Variants in EFNA5 observed in about 807,000 individuals in gnomAD.
EFNA5 encodes the protein ephrin-A5.
In EFNA5, 5 loss-of-function variants were observed where a neutral mutation model predicts 22.9. The observed-to-expected ratio is 0.22, with a 90% CI of 0.11 to 0.46. The LOEUF (loss-of-function observed/expected upper bound fraction) is 0.46. Among genes scored for constraint, EFNA5 ranks in the 20% least tolerant of loss-of-function variants. The pLI is 0.99. For missense variants in EFNA5, 237 were observed against 293.3 expected, an observed-to-expected ratio of 0.81 and a Z score of 1.40; for synonymous variants, 113 against 112.2, an observed-to-expected ratio of 1.01 and a Z score of -0.04.
intron 1 of EFNA5, among the ~76,000 whole-genome samples, chr5:107,602,912 C>T (rs1219523358): frequency 6.6e-6 from 1 of 152,146 alleles, no homozygotes; most frequent in East Asian, 1.9e-4. Context: ...GCCCTAGATA[C>T]TGGCAGGAGG....
At chr5:107,549,077 C>A (rs1415541200) in intron 1 of EFNA5, among the ~76,000 whole-genome samples, 1 of 152,100 alleles carries the variant, frequency 6.6e-6, no homozygotes, top group Non-Finnish European at 1.5e-5. Flanking sequence ...TCTATGCAAT[C>A]TAGCTCTAGA....
rs1749703524 is a variant in EFNA5, at chr5:107,605,956, T to C, written c.125+64533A>G. Among the ~76,000 whole-genome samples the C allele has an allele frequency of 2.0e-5, 3 of 152,186 alleles. No homozygotes were observed. The South Asian group carries it at 6.2e-4, about 31-fold the overall frequency. On this transcript the variant is annotated intron_variant, in intron 1 of 4. Coordinates refer to ENST00000333274, the MANE Select transcript of EFNA5 (RefSeq NM_001962.3). ...ATCACTCTCATTTTAATAAAACTCCTGTTTCCTGTATAATATCACTCAGGT... is the reference window on the plus strand; with the variant it reads ...ATCACTCTCATTTTAATAAAACTCCCGTTTCCTGTATAATATCACTCAGGT...
chr5:107,445,759 TA>T (rs1211852368), intron 1 of EFNA5, among the ~76,000 whole-genome samples: 1 of 152,120 alleles, frequency 6.6e-6, no homozygotes, highest in Admixed American at 6.5e-5. Context: ...GTGTCACTAA[TA>T]AAAAGTGGAA....
chr5:107,547,399 T>A (rs1285585536), intron 1 of EFNA5, among the ~76,000 whole-genome samples: 1 of 152,252 alleles, frequency 6.6e-6, no homozygotes, highest in African/African-American at 2.4e-5. Flanking sequence ...AACAGAAACC[T>A]CTGGGACCAC....
At chr5:107,607,750 T>C (rs1468342622) in intron 1 of EFNA5, among the ~76,000 whole-genome samples, 2 of 152,040 alleles carry the variant, frequency 1.3e-5, no homozygotes, top group African/African-American at 2.4e-5. Context: ...TGTATGACCA[T>C]AGGAGGGAGG....
chr5:107,513,190 G>T (rs932865915), intron 1 of EFNA5, among the ~76,000 whole-genome samples: 7 of 152,148 alleles, frequency 4.6e-5, no homozygotes, highest in African/African-American at 1.4e-4. Flanking sequence ...AAGTCCTACT[G>T]TAGTCAGAGA....
chr5:107,472,213 C>T (rs1580474726), intron 1 of EFNA5, among the ~76,000 whole-genome samples: 1 of 152,262 alleles, frequency 6.6e-6, no homozygotes, highest in African/African-American at 2.4e-5. Flanking sequence ...AGTAATTAGA[C>T]ATCTAGCAGA....
intron 1 of EFNA5, among the ~76,000 whole-genome samples, chr5:107,626,025 C>T (rs1333342896): frequency 6.6e-6 from 1 of 152,142 alleles, no homozygotes; most frequent in Non-Finnish European, 1.5e-5. Flanking sequence ...CATTACAAAC[C>T]TGTTTTCAAG....
At chr5:107,648,213 T>C (rs1750664027) in intron 1 of EFNA5, among the ~76,000 whole-genome samples, 1 of 152,182 alleles carries the variant, frequency 6.6e-6, no homozygotes. Context: ...TCATTTCATA[T>C]TATAAAGTTT....
intron 1 of EFNA5, among the ~76,000 whole-genome samples, chr5:107,592,706 G>C (rs1391058916): frequency 6.6e-6 from 1 of 152,142 alleles, no homozygotes; most frequent in African/African-American, 2.4e-5. Flanking sequence ...GCTGGAATAG[G>C]ACCTTTTCAA....
At chr5:107,417,915 A>G (rs1246255519) in intron 2 of EFNA5, among the ~76,000 whole-genome samples, 1 of 152,222 alleles carries the variant, frequency 6.6e-6, no homozygotes, top group South Asian at 2.1e-4. Context: ...GATGAGTGGG[A>G]AAGTCTGTAG....
At chr5:107,617,925 C>T (rs567296168) in intron 1 of EFNA5, among the ~76,000 whole-genome samples, 4 of 152,002 alleles carry the variant, frequency 2.6e-5, no homozygotes, top group East Asian at 1.9e-4. Flanking sequence ...ACTCACGAAG[C>T]GGAGGTGGGG....
chr5:107,666,755 T>C (rs1399643677), intron 1 of EFNA5, among the ~76,000 whole-genome samples: 5 of 152,126 alleles, frequency 3.3e-5, no homozygotes, highest in Non-Finnish European at 7.4e-5. Flanking sequence ...ATTACCCTAA[T>C]ATCATTTCAG....
At chr5:107,527,302 TGA>T (rs1381546673) in intron 1 of EFNA5, among the ~76,000 whole-genome samples, 4 of 151,292 alleles carry the variant, frequency 2.6e-5, no homozygotes, top group African/African-American at 9.7e-5. Context: ...TTTTTTTTTT[TGA>T]GATGGAGTCT....
intron 1 of EFNA5, among the ~76,000 whole-genome samples, chr5:107,442,830 C>T (rs1006615861): frequency 6.9e-6 from 1 of 144,872 alleles, no homozygotes; most frequent in Non-Finnish European, 1.5e-5. Context: ...ACAACGCTGA[C>T]AAATTACTTC....
chr5:107,409,605 G>A (rs1448880176), intron 2 of EFNA5, among the ~76,000 whole-genome samples: 1 of 152,116 alleles, frequency 6.6e-6, no homozygotes, highest in African/African-American at 2.4e-5. Flanking sequence ...CATAATTGAG[G>A]TATTACTTAA....
intron 1 of EFNA5, among the ~76,000 whole-genome samples, chr5:107,626,873 A>C (rs930327026): frequency 2.0e-5 from 3 of 152,160 alleles, no homozygotes; most frequent in African/African-American, 7.2e-5. Context: ...CTGAGCAAAA[A>C]TGAATGGATG....
intron 1 of EFNA5, among the ~76,000 whole-genome samples, chr5:107,456,045 A>C (rs567130570): frequency 6.6e-6 from 1 of 152,288 alleles, no homozygotes; most frequent in African/African-American, 2.4e-5. Flanking sequence ...ATACAATGTT[A>C]AAGATATTAA....
At chr5:107,456,606 G>A (rs956763335) in intron 1 of EFNA5, among the ~76,000 whole-genome samples, 2 of 152,114 alleles carry the variant, frequency 1.3e-5, no homozygotes, top group African/African-American at 4.8e-5. Flanking sequence ...ACCAAGTGCT[G>A]TTGCAACTGT....
Sources: allele counts gnomAD v4.1 joint callset (sites outside exome capture counted in the v4.1 genomes callset), GRCh38; gene constraint gnomAD v4.1.1; transcripts MANE v1.5; gene names NCBI Gene and HGNC (gene_info 2026-07-23, HGNC 2026-07-21).